The following SOX5 variants were observed in gnomAD, a reference collection of about 807,000 sequenced individuals.
The protein encoded by SOX5 is SRY-box transcription factor 5.
SOX5 carries 9 observed loss-of-function variants against 92.0 expected under a neutral mutation model. The ratio of observed to expected loss-of-function variants is 0.10; its 90% CI spans 0.06 to 0.17. The LOEUF is 0.17. Among genes scored for constraint, SOX5 ranks in the 10% least tolerant of loss-of-function variants. The probability of loss-of-function intolerance (pLI) is 1.00; values close to 1 mark genes in which losing one functional copy is unlikely to be tolerated. For missense variants in SOX5, 642 were observed against 944.5 expected (o/e 0.68, Z 4.20); for synonymous variants, 344 against 336.3 (o/e 1.02, Z -0.25).
chr12:24,021,173 A>C (rs1954240278), intron 4 of SOX5, among the ~76,000 whole-genome samples: 1 of 152,120 alleles, frequency 6.6e-6, no homozygotes, highest in South Asian at 2.1e-4. Context: ...AGTGCATGGA[A>C]GGTACAGTCC....
chr12:23,864,117 A>G (rs4963721), intron 2 of SOX5, among the ~76,000 whole-genome samples: 64,678 of 151,526 alleles, frequency 0.43, 14,333 homozygotes, highest in East Asian at 0.56. Flanking sequence ...CATTATAATT[A>G]TTTCTACTTG....
chr12:23,684,497 CA>C (rs1439803301), intron 6 of SOX5, among the ~76,000 whole-genome samples: 6 of 151,880 alleles, frequency 4.0e-5, no homozygotes, highest in Admixed American at 2.6e-4. Flanking sequence ...ATCTGTCCTA[CA>C]AAAAAATGAC....
chr12:23,890,495 A>G (rs1186398293), intron 2 of SOX5, among the ~76,000 whole-genome samples: 1 of 152,150 alleles, frequency 6.6e-6, no homozygotes, highest in Non-Finnish European at 1.5e-5. Context: ...TGGAACAACA[A>G]TCTAACCAAC....
At chr12:23,659,722 C>A (rs2082777073) in intron 7 of SOX5, among the ~76,000 whole-genome samples, 1 of 152,110 alleles carries the variant, frequency 6.6e-6, no homozygotes, top group Non-Finnish European at 1.5e-5. Flanking sequence ...CCTGTAATCC[C>A]AGCACTTTGG....
intron 1 of SOX5, among the ~76,000 whole-genome samples, chr12:24,525,854 C>CA (rs766928901): frequency 0.032 from 4,351 of 135,970 alleles, 181 homozygotes; most frequent in African/African-American, 0.098. Context: ...GACTCCATCT[C>CA]AAAAAAAAAA....
intron 4 of SOX5, among the ~76,000 whole-genome samples, chr12:24,113,527 T>C (rs899088143): frequency 6.6e-6 from 1 of 152,176 alleles, no homozygotes; most frequent in Non-Finnish European, 1.5e-5. Context: ...CCTTAATTAT[T>C]ATGCTGTGAT....
At chr12:24,407,571 A>G (rs1393993592) in intron 1 of SOX5, 1 of 152,212 alleles carries the variant, frequency 6.6e-6, no homozygotes, top group African/African-American at 2.4e-5. Flanking sequence ...AAAAGCCTAG[A>G]AAAGAATTAG....
At chr12:24,161,507 A>G (rs180938941) in intron 4 of SOX5, among the ~76,000 whole-genome samples, 2 of 152,242 alleles carry the variant, frequency 1.3e-5, no homozygotes, top group East Asian at 1.9e-4. Context: ...TATGTTTACT[A>G]TTAATGAACA....
rs386375924 is a variant in SOX5, at chr12:24,506,784, C to CTTTTTTTTTTTTTTTTTTTTTTTT, written c.-251+55544_-251+55545insAAAAAAAAAAAAAAAAAAAAAAAA. On this transcript the variant is annotated intron_variant, in intron 1 of 4. Transcript: ENST00000446891. Reference sequence around the variant, plus strand: ...CTGTATTTCATGGTATCCAAATGGTCTTTTTTTTTTTTTTTTTTTTTTGGA... The same window carrying CTTTTTTTTTTTTTTTTTTTTTTTT: ...CTGTATTTCATGGTATCCAAATGGTCTTTTTTTTTTTTTTTTTTTTTTTTTTTTTTTTTTTTTTTTTTTTTTGGA... Among the ~76,000 whole-genome samples the CTTTTTTTTTTTTTTTTTTTTTTTT allele has an allele frequency of 3.2e-4, 26 of 81,770 alleles. 2 individuals carry two copies. Among genetic ancestry groups the CTTTTTTTTTTTTTTTTTTTTTTTT allele is most frequent in the East Asian group, 1.9e-3 (4 of 2,076 alleles). 53.6% of individuals were successfully genotyped at this position (81,770 alleles called of 152,430 possible).
chr12:23,783,334 T>C (rs2095318652), intron 3 of SOX5, among the ~76,000 whole-genome samples: 1 of 152,202 alleles, frequency 6.6e-6, no homozygotes, highest in Non-Finnish European at 1.5e-5. Context: ...AGTAATTTAA[T>C]GAGAAGGATA....
chr12:24,006,170 A>C (rs899884775), intron 4 of SOX5, among the ~76,000 whole-genome samples: 7 of 152,176 alleles, frequency 4.6e-5, no homozygotes, highest in African/African-American at 1.7e-4. Flanking sequence ...GGTCACTCTT[A>C]TGCACATAAA....
chr12:23,888,864 T>A (rs1437274906), intron 2 of SOX5, among the ~76,000 whole-genome samples: 1 of 152,240 alleles, frequency 6.6e-6, no homozygotes, highest in Non-Finnish European at 1.5e-5. Flanking sequence ...AAATACTCGC[T>A]TGTCAGCATT....
At chr12:23,845,820 A>C (rs1357747473) in intron 3 of SOX5, among the ~76,000 whole-genome samples, 163 bp downstream of exon 3, 1 of 152,210 alleles carries the variant, frequency 6.6e-6, no homozygotes, top group African/African-American at 2.4e-5. Context: ...AGACAGGGCT[A>C]AGTGTTTCTG....
intron 1 of SOX5, among the ~76,000 whole-genome samples, chr12:23,903,003 C>T (rs1397150351): frequency 1.3e-5 from 2 of 152,110 alleles, no homozygotes; most frequent in South Asian, 2.1e-4. Flanking sequence ...TATGACGACC[C>T]TTCTGCTTTA....
At chr12:24,120,450 G>A (rs1948492810) in intron 4 of SOX5, among the ~76,000 whole-genome samples, 1 of 152,162 alleles carries the variant, frequency 6.6e-6, no homozygotes, top group African/African-American at 2.4e-5. Flanking sequence ...TGAAAATCCA[G>A]AGAGTAAAAG....
At chr12:24,147,393 A>T (rs1013609184) in intron 4 of SOX5, among the ~76,000 whole-genome samples, 1 of 152,196 alleles carries the variant, frequency 6.6e-6, no homozygotes, top group South Asian at 2.1e-4. Context: ...CTTCATAAAA[A>T]TTTTCAGTGT....
intron 4 of SOX5, among the ~76,000 whole-genome samples, chr12:24,114,032 G>A (rs1323794903): frequency 6.6e-6 from 1 of 152,136 alleles, no homozygotes; most frequent in Non-Finnish European, 1.5e-5. Flanking sequence ...CTATTTTGAA[G>A]GACTGAGGAG....
chr12:24,176,501 T>C (rs545967554), intron 4 of SOX5, among the ~76,000 whole-genome samples: 40 of 152,318 alleles, frequency 2.6e-4, no homozygotes, highest in Middle Eastern at 3.4e-3. Context: ...AACTAAATCA[T>C]TGGCCACATG....
intron 5 of SOX5, among the ~76,000 whole-genome samples, chr12:23,735,978 C>T (rs918183635): frequency 6.6e-6 from 1 of 152,002 alleles, no homozygotes; most frequent in Admixed American, 6.6e-5. Context: ...TCAGGAAGTC[C>T]GTTACAAAAG....
Sources: gnomAD v4.1 joint callset for allele counts (sites outside exome capture counted in the v4.1 genomes callset) on GRCh38, gnomAD v4.1.1 for gene constraint, MANE v1.5 for transcripts, NCBI Gene and HGNC (gene_info 2026-07-23, HGNC 2026-07-21) for gene names.